Variants in AUTS2 observed in about 807,000 individuals in gnomAD.
AUTS2 encodes autism susceptibility gene 2 protein.
Under a neutral mutation model 112.4 loss-of-function variants are expected in AUTS2, and 17 were observed. The observed-to-expected ratio is 0.15, with a 90% CI of 0.10 to 0.23. AUTS2 has a LOEUF of 0.23. Ranked by LOEUF, AUTS2 falls within the 10% of genes least tolerant of loss-of-function variation. The pLI is 1.00. For missense variants in AUTS2, 1,510 were observed against 1,701.6 expected (o/e 0.89, Z 1.98); for synonymous variants, 751 against 702.7 (o/e 1.07, Z -1.09).
intron 1 of AUTS2, among the ~76,000 whole-genome samples, chr7:69,622,424 G>A (rs1005666050): frequency 2.6e-5 from 4 of 152,206 alleles, no homozygotes; most frequent in African/African-American, 9.6e-5. Context: ...TAATGTGAAT[G>A]TAATGAGTAG....
intron 2 of AUTS2, among the ~76,000 whole-genome samples, chr7:70,110,932 C>T (rs1380421869): frequency 4.3e-5 from 6 of 140,580 alleles, no homozygotes; most frequent in South Asian, 4.5e-4. Context: ...AGCGCAGTGG[C>T]GCGATCTCAG....
chr7:70,381,343 CATT>C (rs1027564472), intron 4 of AUTS2, among the ~76,000 whole-genome samples: 22 of 152,274 alleles, frequency 1.4e-4, no homozygotes, highest in African/African-American at 5.1e-4. Flanking sequence ...ACAGTACATA[CATT>C]TGTCAAAACT....
At chr7:70,134,128 T>G (rs1290721441) in intron 3 of AUTS2, among the ~76,000 whole-genome samples, 1 of 152,168 alleles carries the variant, frequency 6.6e-6, no homozygotes, top group African/African-American at 2.4e-5. Flanking sequence ...TTTTTCCTCT[T>G]GCCTGCCCCT....
Position 70,784,812 on chromosome 7 carries a change from C to A in AUTS2, c.2147-130C>A, listed in dbSNP as rs1327063462. 2.1e-5 allele frequency: 14 copies of A among 665,038 alleles called. No individual in the cohort carries two copies. The East Asian group carries it at 3.4e-4, about 16-fold the overall frequency. 41.2% of individuals were successfully genotyped at this position (665,038 alleles called of 1,614,324 possible). A position where few individuals can be genotyped will look rare whatever the true frequency, so the allele number is the denominator to read the frequency against. On this transcript the variant is annotated intron_variant, in intron 15 of 18. Coordinates refer to ENST00000342771, the MANE Select transcript of AUTS2 (RefSeq NM_015570.4). ...TTACCCTGTGTCTTGCCTGCAGGGGCCTGGGTGGACTTCAGCCATGACCTC... is the reference window on the plus strand; with the variant it reads ...TTACCCTGTGTCTTGCCTGCAGGGGACTGGGTGGACTTCAGCCATGACCTC...
chr7:70,756,223 TTAAA>T, intron 6 of AUTS2, among the ~76,000 whole-genome samples: 1 of 152,244 alleles, frequency 6.6e-6, no homozygotes, highest in South Asian at 2.1e-4. Context: ...TTCTGTGACA[TTAAA>T]TACTTCTTCA....
At chr7:69,887,532 A>G (rs1794331477) in intron 1 of AUTS2, among the ~76,000 whole-genome samples, 1 of 152,182 alleles carries the variant, frequency 6.6e-6, no homozygotes, top group African/African-American at 2.4e-5. Flanking sequence ...CGGTAACTAC[A>G]ATAGAATCAG....
In AUTS2 at chr7:70,151,863, G is replaced by C. The variant is rs79417801; in HGVS notation, c.660+17292G>C. Among the ~76,000 whole-genome samples the C allele has an allele frequency of 1.4e-4, 21 of 152,216 alleles. No individual in the cohort carries two copies. In the East Asian group the frequency reaches 4.1e-3, roughly 29 times the overall value. On this transcript the variant is annotated intron_variant, in intron 4 of 18. Transcript: ENST00000342771. ...CAATTACGAATTACCAGACATTCAAGGAACCAGGAGAATAAGACCCATAAT... is the reference window on the plus strand; with the variant it reads ...CAATTACGAATTACCAGACATTCAACGAACCAGGAGAATAAGACCCATAAT...
chr7:70,512,364 A>T (rs1799231286), intron 5 of AUTS2, among the ~76,000 whole-genome samples: 1 of 152,164 alleles, frequency 6.6e-6, no homozygotes, highest in Admixed American at 6.5e-5. Context: ...AAGCCAGACC[A>T]CTTGGAGGGA....
At position 70,503,070 on chromosome 7, in the gene AUTS2, C is replaced by T. The variant is rs75805875; in HGVS notation, c.690+67289C>T. 9.9e-5 allele frequency among the ~76,000 whole-genome samples: 15 copies of T among 152,222 alleles called. No homozygotes were observed. In the East Asian group the frequency reaches 2.7e-3, roughly 28 times the overall value. ...CCCCAGGGTGGGGAGGAAAGGAGCACTTCTCCAGAGGGAGAACCAGGGGAA... is the reference window on the plus strand; with the variant it reads ...CCCCAGGGTGGGGAGGAAAGGAGCATTTCTCCAGAGGGAGAACCAGGGGAA... On this transcript the variant is annotated intron_variant, in intron 5 of 18. Coordinates refer to ENST00000342771, the MANE Select transcript of AUTS2 (RefSeq NM_015570.4).
intron 1 of AUTS2, among the ~76,000 whole-genome samples, chr7:69,750,065 C>T (rs1406983555): frequency 2.0e-5 from 3 of 152,094 alleles, no homozygotes; most frequent in African/African-American, 7.2e-5. Context: ...TGCAACAGCC[C>T]CCATTTACAT....
intron 1 of AUTS2, among the ~76,000 whole-genome samples, chr7:69,648,282 A>T (rs1230262669): frequency 6.6e-6 from 1 of 152,176 alleles, no homozygotes; most frequent in Non-Finnish European, 1.5e-5. Flanking sequence ...TATACAGAAG[A>T]AAAATAAACC....
At chr7:69,805,587 A>C (rs911975136) in intron 1 of AUTS2, among the ~76,000 whole-genome samples, 1 of 152,162 alleles carries the variant, frequency 6.6e-6, no homozygotes, top group Non-Finnish European at 1.5e-5. Flanking sequence ...GGAAAAAGAC[A>C]GGGAAAATGC....
intron 5 of AUTS2, among the ~76,000 whole-genome samples, chr7:70,648,899 T>G (rs1256940679): frequency 1.3e-5 from 2 of 152,290 alleles, no homozygotes; most frequent in Admixed American, 6.5e-5. Context: ...GAAGGAACCT[T>G]TGTTAAGAGT....
intron 5 of AUTS2, among the ~76,000 whole-genome samples, chr7:70,523,289 A>G (rs1344755306): frequency 6.6e-6 from 1 of 152,186 alleles, no homozygotes; most frequent in African/African-American, 2.4e-5. Context: ...GTTTTGAAGA[A>G]TGGTTGAACT....
Position 69,916,293 on chromosome 7 carries a change from A to G in AUTS2, c.522+16795A>G, listed in dbSNP as rs550659463. Among the ~76,000 whole-genome samples, 15 of 152,362 alleles carry G rather than the reference A, an allele frequency of 9.8e-5. No individual in the cohort carries two copies. The South Asian group carries it at 2.9e-3, about 29-fold the overall frequency. ...AGGATACTACTCACTGTCCCTTGAC[A>G]TTCATTCATTAAATATTTATTGTTC... is the stretch of plus-strand genomic sequence containing the variant. On this transcript the variant is annotated intron_variant, in intron 2 of 18. Coordinates refer to ENST00000342771, the MANE Select transcript of AUTS2 (RefSeq NM_015570.4).
intron 2 of AUTS2, among the ~76,000 whole-genome samples, chr7:69,985,098 G>A (rs1798450411): frequency 6.6e-6 from 1 of 152,016 alleles, no homozygotes; most frequent in African/African-American, 2.4e-5. Context: ...GATGTGGACT[G>A]GGCATTCCTG....
chr7:70,062,850 C>T (rs188821305), intron 2 of AUTS2, among the ~76,000 whole-genome samples: 228 of 152,300 alleles, frequency 1.5e-3, no homozygotes, highest in African/African-American at 5.4e-3. Context: ...AACTAGGCTA[C>T]TTCCTTTTTG....
At chr7:70,264,235 G>C (rs1787303775) in intron 4 of AUTS2, among the ~76,000 whole-genome samples, 1 of 152,114 alleles carries the variant, frequency 6.6e-6, no homozygotes. Flanking sequence ...TTGAGATGGA[G>C]TCTTGTTCTG....
intron 1 of AUTS2, among the ~76,000 whole-genome samples, chr7:69,853,086 T>G (rs752531979): frequency 8.5e-5 from 13 of 152,182 alleles, no homozygotes; most frequent in African/African-American, 1.2e-4. Context: ...CTGAGGTCAT[T>G]TAAAAAAAAA....
Sources: gnomAD v4.1 joint callset for allele counts (sites outside exome capture counted in the v4.1 genomes callset) on GRCh38, gnomAD v4.1.1 for gene constraint, MANE v1.5 for transcripts, NCBI Gene and HGNC (gene_info 2026-07-23, HGNC 2026-07-21) for gene names.